The following CACUL1 variants were observed in gnomAD, a reference collection of about 807,000 sequenced individuals.
CACUL1 encodes CDK2 associated cullin domain 1.
A neutral mutation model predicts 45.2 loss-of-function variants in CACUL1; 13 were observed. The observed-to-expected ratio is 0.29, with a 90% CI of 0.19 to 0.46. The LOEUF is 0.46. CACUL1 is among the 20% of genes least tolerant of loss of function. The probability of loss-of-function intolerance (pLI) is 1.00; values close to 1 mark genes in which losing one functional copy is unlikely to be tolerated. For missense variants in CACUL1, 421 were observed against 471.4 expected (o/e 0.89, Z 0.99); for synonymous variants, 197 against 174.2 (o/e 1.13, Z -1.03).
chr10:118,737,519 C>T (rs985693789), intron 1 of CACUL1, among the ~76,000 whole-genome samples: 3 of 152,066 alleles, frequency 2.0e-5, no homozygotes, highest in African/African-American at 7.2e-5. Flanking sequence ...ACATACCAGC[C>T]GTATAAAACC....
chr10:118,748,839 G>C (rs1357280086), intron 1 of CACUL1, among the ~76,000 whole-genome samples: 1 of 152,116 alleles, frequency 6.6e-6, no homozygotes, highest in African/African-American at 2.4e-5. Context: ...ACGGCGACAT[G>C]GGTTAAAATG....
At chr10:118,708,719 C>T (rs77675275) in intron 3 of CACUL1, among the ~76,000 whole-genome samples, 100 of 151,942 alleles carry the variant, frequency 6.6e-4, no homozygotes, top group East Asian at 2.3e-3. Flanking sequence ...AACACCAGAA[C>T]GCTCAGGTTC....
At chr10:118,744,100 T>C (rs1845817894) in intron 1 of CACUL1, among the ~76,000 whole-genome samples, 1 of 152,176 alleles carries the variant, frequency 6.6e-6, no homozygotes, top group African/African-American at 2.4e-5. Flanking sequence ...ATGAAAGATC[T>C]GGAGGCCGGA....
At chr10:118,702,911 G>T (rs1470463638) in intron 4 of CACUL1, among the ~76,000 whole-genome samples, 1 of 152,022 alleles carries the variant, frequency 6.6e-6, no homozygotes, top group Non-Finnish European at 1.5e-5. Context: ...AAGTGTTAAT[G>T]CAGAAGAGTA....
chr10:118,691,425 C>T, intron 6 of CACUL1, 22 bp from the exon 7 acceptor site: 1 of 1,599,700 alleles, frequency 6.3e-7, no homozygotes. Context: ...GGAAACAATT[C>T]ATTAAGGAAA....
In CACUL1 at chr10:118,730,344, T is replaced by C. The variant is rs769749683; in HGVS notation, c.434A>G (p.Asp145Gly). Reference protein sequence around the residue: ...TYWPKLDGAIDQLLTQSPGDY... With the variant: ...TYWPKLDGAIGQLLTQSPGDY... ...ACCAGGACTCTGAGTTAAAAGTTGA[T>C]CTATGGCACCATCCAATTTTGGCCA... is the stretch of plus-strand genomic sequence containing the variant. The change falls in exon 2 of 9, where the codon GAT becomes GGT. Residue 145 changes from aspartate to glycine, a missense_variant. Transcript: ENST00000369151. The C allele has an allele frequency of 6.2e-7, 1 of 1,613,950 alleles. No homozygotes were observed. Among genetic ancestry groups the C allele is most frequent in the South Asian group, 1.1e-5 (1 of 91,082 alleles).
chr10:118,732,777 G>A (rs572303596), intron 1 of CACUL1, among the ~76,000 whole-genome samples: 2 of 152,144 alleles, frequency 1.3e-5, no homozygotes, highest in South Asian at 2.1e-4. Context: ...CAGGGTCACC[G>A]TCTTGCTCTT....
chr10:118,724,493 T>C (rs1369725105), intron 3 of CACUL1, among the ~76,000 whole-genome samples: 1 of 152,180 alleles, frequency 6.6e-6, no homozygotes, highest in Admixed American at 6.5e-5. Context: ...GGGTTCCCAC[T>C]AGGAACCCCT....
chr10:118,692,178 G>C (rs973020619), intron 6 of CACUL1, among the ~76,000 whole-genome samples: 1 of 151,900 alleles, frequency 6.6e-6, no homozygotes, highest in Non-Finnish European at 1.5e-5. Context: ...GGGACTGAAC[G>C]TTTAATAAGT....
intron 6 of CACUL1, 114 bp downstream of exon 6, chr10:118,695,027 G>A (rs1845309128): frequency 3.0e-6 from 2 of 662,980 alleles, no homozygotes; most frequent in African/African-American, 1.8e-5. Flanking sequence ...CAATTTTTTT[G>A]CTCCAGCAAA....
intron 3 of CACUL1, among the ~76,000 whole-genome samples, chr10:118,719,641 G>A (rs58986292): frequency 0.018 from 2,739 of 152,182 alleles, 71 homozygotes; most frequent in African/African-American, 0.056. Flanking sequence ...GAGAAATCCC[G>A]TCTCTACTAA....
At chr10:118,716,186 T>G (rs1437240123) in intron 3 of CACUL1, among the ~76,000 whole-genome samples, 2 of 150,206 alleles carry the variant, frequency 1.3e-5, no homozygotes, top group Non-Finnish European at 3.0e-5. Context: ...AAGCCAAGAT[T>G]GCGCCACTGC....
At chr10:118,719,246 A>G (rs1480267618) in intron 3 of CACUL1, among the ~76,000 whole-genome samples, 4 of 152,212 alleles carry the variant, frequency 2.6e-5, no homozygotes, top group Admixed American at 1.3e-4. Context: ...AATAAGTACA[A>G]CGTTGGCATT....
intron 3 of CACUL1, among the ~76,000 whole-genome samples, chr10:118,720,672 A>C (rs997935034): frequency 6.6e-6 from 1 of 152,222 alleles, no homozygotes; most frequent in African/African-American, 2.4e-5. Context: ...AAGCCAGCAT[A>C]TGTTTTTGTA....
intron 3 of CACUL1, among the ~76,000 whole-genome samples, chr10:118,709,870 G>A (rs1004859396): frequency 6.6e-6 from 1 of 151,818 alleles, no homozygotes. Context: ...GTGCACGCTA[G>A]GTGCTTTTAT....
At chr10:118,697,134 G>A (rs1845331100) in intron 5 of CACUL1, among the ~76,000 whole-genome samples, 1 of 152,148 alleles carries the variant, frequency 6.6e-6, no homozygotes, top group Admixed American at 6.5e-5. Flanking sequence ...AAAAGAAATG[G>A]GAGTTTGGGG....
chr10:118,714,886 C>T (rs779104591), intron 3 of CACUL1, among the ~76,000 whole-genome samples: 2 of 152,198 alleles, frequency 1.3e-5, no homozygotes, highest in Non-Finnish European at 2.9e-5. Context: ...GTCTATCCAT[C>T]ATTACTTACA....
rs1169865369 is a variant in CACUL1 at position 118,676,861 on chromosome 10, CA to C, written c.*9266del. On this transcript the variant is annotated 3_prime_UTR_variant, in exon 9 of 9. Coordinates refer to ENST00000369151, the MANE Select transcript of CACUL1 (RefSeq NM_153810.5). Reference sequence around the variant, plus strand: ...ATGTACACACACACACACACACACACACACACACACACTGGGGTGTGCACAC... The same window carrying C: ...ATGTACACACACACACACACACACACCACACACACACTGGGGTGTGCACAC... The C allele has an allele frequency of 3.4e-3, 520 of 152,064 alleles. 1 individual carries two copies. Among genetic ancestry groups the C allele is most frequent in the African/African-American group, 0.011 (449 of 41,406 alleles). 9.4% of individuals were successfully genotyped at this position (152,064 alleles called of 1,614,324 possible).
chr10:118,743,456 T>C (rs909710055), intron 1 of CACUL1, among the ~76,000 whole-genome samples: 1 of 152,102 alleles, frequency 6.6e-6, no homozygotes, highest in Non-Finnish European at 1.5e-5. Flanking sequence ...GAAACAAAGA[T>C]AAGACTATAC....
Sources: allele counts gnomAD v4.1 joint callset (sites outside exome capture counted in the v4.1 genomes callset), GRCh38; gene constraint gnomAD v4.1.1; transcripts MANE v1.5; gene names NCBI Gene and HGNC (gene_info 2026-07-23, HGNC 2026-07-21).